Variants in UBASH3B observed in about 807,000 individuals in gnomAD.
UBASH3B encodes ubiquitin-associated and SH3 domain-containing protein B.
In UBASH3B, 37 loss-of-function variants were observed where a neutral mutation model predicts 83.4. That is an observed-to-expected ratio of 0.44 (90% confidence interval 0.34 to 0.58). The LOEUF (loss-of-function observed/expected upper bound fraction) is 0.58, where lower values mean the gene tolerates loss of function less well. Among genes scored for constraint, UBASH3B ranks in the 20% least tolerant of loss-of-function variants. The pLI is 0.01. For synonymous variants in UBASH3B, 304 were observed against 318.3 expected (o/e 0.96, Z 0.48); for missense variants, 657 against 827.2 (o/e 0.79, Z 2.52).
At chr11:122,744,873 C>CG (rs1555142485) in intron 1 of UBASH3B, among the ~76,000 whole-genome samples, 124 of 139,522 alleles carry the variant, frequency 8.9e-4, no homozygotes, top group South Asian at 5.1e-3. Context: ...ATGTGTGACT[C>CG]TGTGTGTGTG....
At chr11:122,788,912 T>C (rs959856008) in intron 5 of UBASH3B, among the ~76,000 whole-genome samples, 188 bp from the exon 6 acceptor site, 4 of 152,176 alleles carry the variant, frequency 2.6e-5, no homozygotes, top group African/African-American at 9.7e-5. Flanking sequence ...ACACCGTCAA[T>C]ACCCTGAAGA....
At chr11:122,766,342 C>T (rs1413476433) in intron 1 of UBASH3B, among the ~76,000 whole-genome samples, 2 of 152,080 alleles carry the variant, frequency 1.3e-5, no homozygotes, top group African/African-American at 4.8e-5. Context: ...GTCAGGAGAT[C>T]GAGACCATCC....
intron 1 of UBASH3B, among the ~76,000 whole-genome samples, chr11:122,707,962 C>T (rs4936728): frequency 0.74 from 111,839 of 151,844 alleles, 41,853 homozygotes; most frequent in East Asian, 0.95. Flanking sequence ...CCCAAAGTGC[C>T]GGGATTACAG....
chr11:122,767,954 C>T (rs1860578273), intron 1 of UBASH3B, among the ~76,000 whole-genome samples: 1 of 152,200 alleles, frequency 6.6e-6, no homozygotes, highest in South Asian at 2.1e-4. Flanking sequence ...GGACCTTAAA[C>T]ATGGACCTCA....
At chr11:122,730,080 G>A (rs1860816502) in intron 1 of UBASH3B, among the ~76,000 whole-genome samples, 2 of 151,236 alleles carry the variant, frequency 1.3e-5, no homozygotes, top group South Asian at 4.2e-4. Context: ...GAAGCCAGGA[G>A]TTCAAAACCA....
chr11:122,668,156 T>G (rs1396200340), intron 1 of UBASH3B, among the ~76,000 whole-genome samples: 1 of 152,088 alleles, frequency 6.6e-6, no homozygotes, highest in Non-Finnish European at 1.5e-5. Flanking sequence ...AGGCTATTTT[T>G]TTTGTATTTT....
At chr11:122,700,114 A>G (rs1290130387) in intron 1 of UBASH3B, among the ~76,000 whole-genome samples, 1 of 152,196 alleles carries the variant, frequency 6.6e-6, no homozygotes. Context: ...TGCACATCTG[A>G]GAGGCCAAGA....
At chr11:122,792,155 G>A (rs971770261) in intron 6 of UBASH3B, among the ~76,000 whole-genome samples, 2 of 152,100 alleles carry the variant, frequency 1.3e-5, no homozygotes, top group Non-Finnish European at 2.9e-5. Context: ...CTTGCCATGG[G>A]AGACGAAGGA....
At chr11:122,667,037 C>CTT (rs148029449) in intron 1 of UBASH3B, among the ~76,000 whole-genome samples, 409 of 101,430 alleles carry the variant, frequency 4.0e-3, no homozygotes, top group Middle Eastern at 6.0e-3. Flanking sequence ...TAATGGCATT[C>CTT]TTTTTTTTTT....
At chr11:122,712,729 A>T (rs1864212450) in intron 1 of UBASH3B, among the ~76,000 whole-genome samples, 1 of 152,120 alleles carries the variant, frequency 6.6e-6, no homozygotes, top group East Asian at 1.9e-4. Flanking sequence ...AAACGCCCTG[A>T]AGTATATAGA....
At position 122,718,539 on chromosome 11, in the gene UBASH3B, G is replaced by A. The variant is rs182155678; in HGVS notation, c.162-57680G>A. On this transcript the variant is annotated intron_variant, in intron 1 of 13. Transcript: ENST00000284273. ...ATCCATCAAATGGGATATTTAGGGGGGAAATGGGATAGTAGGGATTGTGTG... is the reference window on the plus strand; with the variant it reads ...ATCCATCAAATGGGATATTTAGGGGAGAAATGGGATAGTAGGGATTGTGTG... Among the ~76,000 whole-genome samples, 379 of 152,250 alleles carry A rather than the reference G, an allele frequency of 2.5e-3. 3 individuals are homozygous for A. Among genetic ancestry groups the A allele is most frequent in the African/African-American group, 8.6e-3 (358 of 41,536 alleles).
chr11:122,733,786 C>A lies in UBASH3B; in HGVS notation c.162-42433C>A, dbSNP rs574557332. Among the ~76,000 whole-genome samples, 17 of 152,310 alleles carry A rather than the reference C, an allele frequency of 1.1e-4. No homozygotes were observed. In the East Asian group the frequency reaches 3.3e-3, roughly 29 times the overall value. On this transcript the variant is annotated intron_variant, in intron 1 of 13. Coordinates refer to ENST00000284273, the MANE Select transcript of UBASH3B (RefSeq NM_032873.5). ...AGTAATGTCTTGTCTTATTGAAGAA[C>A]TAGAATATCTTAGAGGATGACAGTT...
rs757340823 is a variant in UBASH3B at position 122,779,576 on chromosome 11, C to T, written c.482C>T (p.Pro161Leu). Reference protein sequence around the residue: ...VSRWKCKFSAPLPLELYTSSN... With the variant: ...VSRWKCKFSALLPLELYTSSN... ...CGCTGGAAATGTAAGTTCTCGGCCC[C>T]GCTGCCCCTGGAGCTCTATACGTCG... Residue 161 changes from proline (P) to leucine (L), a missense_variant, in exon 4 of 14, where the codon CCG becomes CTG. Pro to Leu is a moderately conservative substitution (Grantham distance 98). This residue lies in a region of UBASH3B where 573 missense variants were observed against 739.0 expected (regional missense o/e 0.78). Transcript: ENST00000284273. 3.1e-6 allele frequency: 5 copies of T among 1,614,152 alleles called. No homozygotes were observed. The highest frequency in any genetic ancestry group is 1.7e-4 in the Middle Eastern group (1 of 6,060).
intron 1 of UBASH3B, among the ~76,000 whole-genome samples, chr11:122,696,300 A>G (rs970351538): frequency 2.7e-5 from 4 of 149,502 alleles, no homozygotes; most frequent in Middle Eastern, 7.3e-3. Flanking sequence ...TTTAACCTTA[A>G]TGAGGATTTC....
At chr11:122,762,333 A>T (rs916014909) in intron 1 of UBASH3B, among the ~76,000 whole-genome samples, 2 of 152,166 alleles carry the variant, frequency 1.3e-5, no homozygotes, top group African/African-American at 4.8e-5. Flanking sequence ...TACTCTGCCA[A>T]CTGGGGAGTA....
rs542815102 is a variant in UBASH3B, at chr11:122,674,197, G to C, written c.161+17987G>C. On this transcript the variant is annotated intron_variant, in intron 1 of 13. Transcript: ENST00000284273. ...GCCCACAAACACAGAGATGTAAACG[G>C]TGCTATGGAATCATGAAAGAGCTAG... Among the ~76,000 whole-genome samples the C allele has an allele frequency of 7.9e-5, 12 of 152,302 alleles. No individual in the cohort carries two copies. In the East Asian group the frequency reaches 2.1e-3, roughly 27 times the overall value.
rs568504533 is a variant in UBASH3B at position 122,745,023 on chromosome 11, C to T, written c.162-31196C>T. On this transcript the variant is annotated intron_variant, in intron 1 of 13. Transcript: ENST00000284273. The stretch of plus-strand genomic sequence containing the variant: ...GGTCTGGGGAGAGGGTGTTGAGGAG[C>T]GGTGGTCCTCCCAGGGAGCCCGTCT... Among the ~76,000 whole-genome samples the T allele has an allele frequency of 3.4e-3, 503 of 149,228 alleles. 5 individuals carry two copies. Among genetic ancestry groups the T allele is most frequent in the African/African-American group, 0.012 (470 of 40,594 alleles).
At chr11:122,705,221 C>T (rs1189658267) in intron 1 of UBASH3B, among the ~76,000 whole-genome samples, 2 of 152,014 alleles carry the variant, frequency 1.3e-5, no homozygotes, top group Non-Finnish European at 2.9e-5. Context: ...CTGAGGCAGG[C>T]AGATCATTTG....
At chr11:122,656,549 C>T (rs1863366735) in intron 1 of UBASH3B, among the ~76,000 whole-genome samples, 1 of 152,210 alleles carries the variant, frequency 6.6e-6, no homozygotes, top group Non-Finnish European at 1.5e-5. Context: ...CCTAGGTCTC[C>T]AGCGCCGAGC....
Sources: allele counts gnomAD v4.1 joint callset (sites outside exome capture counted in the v4.1 genomes callset), GRCh38; gene constraint gnomAD v4.1.1; regional missense constraint gnomAD v4.1.1; transcripts MANE v1.5; gene names NCBI Gene and HGNC (gene_info 2026-07-23, HGNC 2026-07-21).